Variants in PHAF1 observed in about 807,000 individuals in gnomAD.
PHAF1 encodes phagophore assembly factor 1.
In PHAF1, 23 loss-of-function variants were observed where a neutral mutation model predicts 63.1. That is an observed-to-expected ratio of 0.36 (90% CI 0.26 to 0.52). The LOEUF is 0.52. PHAF1 is among the 20% of genes least tolerant of loss of function. The probability of loss-of-function intolerance (pLI) is 0.93; values close to 1 mark genes in which losing one functional copy is unlikely to be tolerated. For synonymous variants in PHAF1, 167 were observed against 185.0 expected, an observed-to-expected ratio of 0.90 and a Z score of 0.79; for missense variants, 427 against 517.2, an observed-to-expected ratio of 0.83 and a Z score of 1.69.
chr16:67,110,209 C>T lies in PHAF1; in HGVS notation c.34C>T (p.Leu12=), dbSNP rs1460433013. 2 of 1,552,814 alleles carry T rather than the reference C, an allele frequency of 1.3e-6. No homozygotes were observed. Among genetic ancestry groups the T allele is most frequent in the Non-Finnish European group, 1.7e-6 (2 of 1,147,672 alleles). Residue 12 remains leucine, a synonymous_variant, in exon 1 of 16, where the codon CTG becomes TTG. Coordinates refer to ENST00000219139, the MANE Select transcript of PHAF1 (RefSeq NM_025187.5). ...LDLEVVPERS[L]GNEQWEFTLG... is the part of the protein sequence containing the mutation. Reference sequence around the variant, plus strand: ...CCTGGAGGTAGTGCCCGAACGCTCTCTGGGGAACGAGCAATGGGAATTCAC... The same window carrying T: ...CCTGGAGGTAGTGCCCGAACGCTCTTTGGGGAACGAGCAATGGGAATTCAC...
Position 67,110,001 on chromosome 16 carries a change from T to G in PHAF1, c.-175T>G. 24 of 602,604 alleles carry G rather than the reference T, an allele frequency of 4.0e-5. No individual in the cohort carries two copies. The highest frequency in any genetic ancestry group is 3.8e-5 in the African/African-American group (2 of 52,468). 37.3% of individuals were successfully genotyped at this position (602,604 alleles called of 1,614,324 possible). ...CGCGGCTGCTGCAGGTGAGGTGAAG[T>G]GAGGTGAGGTGTGGTGTTGGGCCGG... On this transcript the variant is annotated 5_prime_UTR_variant, in exon 1 of 16. Transcript: ENST00000219139.
chr16:67,136,514 G>A (rs907858899), intron 8 of PHAF1, among the ~76,000 whole-genome samples: 30 of 133,778 alleles, frequency 2.2e-4, no homozygotes, highest in Admixed American at 2.0e-3. Context: ...GCATTTATTC[G>A]TAAATTGGGT....
chr16:67,111,677 G>A (rs1962520198), intron 1 of PHAF1, among the ~76,000 whole-genome samples: 1 of 152,214 alleles, frequency 6.6e-6, no homozygotes, highest in South Asian at 2.1e-4. Flanking sequence ...TTGGAGTGCA[G>A]TGGCACAATA....
chr16:67,126,013 A>G lies in PHAF1; in HGVS notation c.202A>G (p.Met68Val). Reference protein sequence around the residue: ...LNLTQDGIKLMFDAFNQRLKV... With the variant: ...LNLTQDGIKLVFDAFNQRLKV... ...CCTGACTCAGGACGGGATCAAACTA[A>G]TGTTTGATGCTTTCAATCAGAGACT... The change falls in exon 3 of 16, where the codon ATG (methionine) becomes GTG (valine). Residue 68 changes from methionine to valine, a missense_variant. Met to Val is a conservative substitution (Grantham distance 21). Coordinates refer to ENST00000219139, the MANE Select transcript of PHAF1 (RefSeq NM_025187.5). 2 of 1,612,662 alleles carry G rather than the reference A, an allele frequency of 1.2e-6. No homozygotes were observed. The highest frequency in any genetic ancestry group is 2.7e-5 in the African/African-American group (2 of 75,014).
At chr16:67,116,041 C>T (rs1033472134) in intron 1 of PHAF1, among the ~76,000 whole-genome samples, 3 of 152,178 alleles carry the variant, frequency 2.0e-5, no homozygotes, top group African/African-American at 7.2e-5. Context: ...AGAAGCCATG[C>T]GGCCTTCCTC....
At chr16:67,131,409 T>A (rs1444227882) in intron 4 of PHAF1, 80 bp downstream of exon 4, 1 of 1,064,294 alleles carries the variant, frequency 9.4e-7, no homozygotes, top group Non-Finnish European at 1.4e-6. Context: ...TTAGTAAAGA[T>A]TCACATCTGT....
chr16:67,132,972 G>A, intron 6 of PHAF1, 61 bp downstream of exon 6: 3 of 1,363,444 alleles, frequency 2.2e-6, no homozygotes, highest in Non-Finnish European at 3.1e-6. Flanking sequence ...TCAGCAGATG[G>A]TGTCATGGGA....
At position 67,125,832 on chromosome 16, in the gene PHAF1, G is replaced by A. The variant is rs773810167; in HGVS notation, c.148-127G>A. ...TTTTTCTGGTTTCCAAGCACCATTA[G>A]CTGGAGGAGAGAGGGACTGTCTGCA... On this transcript the variant is annotated intron_variant, in intron 2 of 15. Transcript: ENST00000219139. 187 of 691,502 alleles carry A rather than the reference G, an allele frequency of 2.7e-4. 1 individual carries two copies. Among genetic ancestry groups the A allele is most frequent in the Non-Finnish European group, 8.7e-5 (35 of 401,656 alleles). The allele number at this position is 691,502 out of a possible 1,614,324, so 42.8% of individuals were successfully genotyped here.
chr16:67,118,123 ATTTTTTTTTTTT>A (rs772394136), intron 1 of PHAF1, among the ~76,000 whole-genome samples: 1 of 120,950 alleles, frequency 8.3e-6, no homozygotes, highest in Non-Finnish European at 1.7e-5. Flanking sequence ...CGCCCGGCTA[ATTTTTTTTTTTT>A]TTTTTTTTTT....
rs767530119 is a variant in PHAF1, at chr16:67,145,425, C to T, written c.1050+6C>T. ...CATGCACGACCTACAGCAAGGTGAG[C>T]ACCTATCTTCCTACCTGGCATAGCC... On this transcript the variant is annotated splice_donor_region_variant and intron_variant, in intron 13 of 15. Transcript: ENST00000219139. 2.5e-6 allele frequency: 4 copies of T among 1,614,154 alleles called. No individual in the cohort carries two copies. The highest frequency in any genetic ancestry group is 2.2e-5 in the East Asian group (1 of 44,882).
Position 67,144,281 on chromosome 16 carries a change from T to C in PHAF1, c.880-13T>C. The C allele has an allele frequency of 1.3e-6, 2 of 1,599,578 alleles. No individual in the cohort carries two copies. Among genetic ancestry groups the C allele is most frequent in the Non-Finnish European group, 1.7e-6 (2 of 1,166,900 alleles). ...AACATTCCCTCCTTGAGTACCCTTG[T>C]TTTCTATCCCAGGACATCCTCTTTG... On this transcript the variant is annotated splice_polypyrimidine_tract_variant and intron_variant, in intron 10 of 15. Coordinates refer to ENST00000219139, the MANE Select transcript of PHAF1 (RefSeq NM_025187.5).
intron 6 of PHAF1, among the ~76,000 whole-genome samples, chr16:67,133,435 A>G (rs1963481932): frequency 6.8e-6 from 1 of 146,872 alleles, no homozygotes; most frequent in Non-Finnish European, 1.5e-5. Context: ...CGGGCGGATG[A>G]CTTGAGGTCA....
intron 8 of PHAF1, among the ~76,000 whole-genome samples, chr16:67,138,438 C>T (rs1963686316): frequency 6.6e-6 from 1 of 151,952 alleles, no homozygotes; most frequent in Non-Finnish European, 1.5e-5. Context: ...AACTGTAAAG[C>T]CTTGTGCTGA....
chr16:67,142,626 G>A (rs765829400), intron 10 of PHAF1, among the ~76,000 whole-genome samples: 2 of 152,262 alleles, frequency 1.3e-5, no homozygotes, highest in African/African-American at 2.4e-5. Flanking sequence ...AGCAGGCACC[G>A]GGAGTGGGGA....
chr16:67,129,119 T>G (rs1963298587), intron 3 of PHAF1, among the ~76,000 whole-genome samples: 1 of 152,232 alleles, frequency 6.6e-6, no homozygotes, highest in African/African-American at 2.4e-5. Context: ...CATGCCAGTT[T>G]GGCATGATAT....
intron 8 of PHAF1, chr16:67,139,493 C>G (rs2145880222): frequency 6.3e-6 from 1 of 159,222 alleles, no homozygotes; most frequent in South Asian, 1.8e-4. Context: ...GGACTACAGA[C>G]ACCCACCACC....
At chr16:67,142,611 C>T (rs1305494711) in intron 10 of PHAF1, among the ~76,000 whole-genome samples, 2 of 152,232 alleles carry the variant, frequency 1.3e-5, no homozygotes, top group Non-Finnish European at 2.9e-5. Flanking sequence ...TTTGCCCCTC[C>T]CCAGAGCAGG....
intron 8 of PHAF1, chr16:67,135,938 G>T (rs532875890): frequency 6.6e-6 from 1 of 152,254 alleles, no homozygotes; most frequent in East Asian, 1.9e-4. Context: ...TAGGCAAGCA[G>T]ACGGGACTTG....
intron 2 of PHAF1, among the ~76,000 whole-genome samples, chr16:67,122,157 C>T (rs1176533391): frequency 6.6e-6 from 1 of 152,174 alleles, no homozygotes; most frequent in Non-Finnish European, 1.5e-5. Flanking sequence ...ACCTCAGCCT[C>T]CCAAAGTGCT....
Sources: gnomAD v4.1 joint callset for allele counts (sites outside exome capture counted in the v4.1 genomes callset) on GRCh38, gnomAD v4.1.1 for gene constraint, MANE v1.5 for transcripts, NCBI Gene and HGNC (gene_info 2026-07-23, HGNC 2026-07-21) for gene names.